Variants in GRIA4 observed in about 807,000 individuals in gnomAD.
GRIA4 encodes the protein glutamate ionotropic receptor AMPA type subunit 4.
In GRIA4, 34 loss-of-function variants were observed where a neutral mutation model predicts 104.0. The observed-to-expected ratio is 0.33, with a 90% CI of 0.25 to 0.44. GRIA4 has a LOEUF of 0.44. GRIA4 is among the 20% of genes least tolerant of loss of function. GRIA4 has a pLI of 1.00. For missense variants in GRIA4, 750 were observed against 1,096.5 expected, an observed-to-expected ratio of 0.68 and a Z score of 4.46; for synonymous variants, 386 against 381.9, an observed-to-expected ratio of 1.01 and a Z score of -0.13.
chr11:105,904,902 A>G (rs528658150), intron 8 of GRIA4, among the ~76,000 whole-genome samples: 5 of 152,208 alleles, frequency 3.3e-5, no homozygotes, highest in Non-Finnish European at 5.9e-5. Context: ...TGCCATTCCT[A>G]TAAAAATACT....
intron 4 of GRIA4, among the ~76,000 whole-genome samples, chr11:105,840,672 C>A (rs1460672942): frequency 6.6e-6 from 1 of 152,144 alleles, no homozygotes; most frequent in Non-Finnish European, 1.5e-5. Context: ...GCTTCAGAGG[C>A]TCTCAAACAA....
intron 4 of GRIA4, among the ~76,000 whole-genome samples, chr11:105,804,183 ATGATAT>A (rs1942845179): frequency 6.6e-6 from 1 of 151,972 alleles, no homozygotes; most frequent in Non-Finnish European, 1.5e-5. Context: ...ATAGATTTAC[ATGATAT>A]GACATTTCAT....
intron 14 of GRIA4, among the ~76,000 whole-genome samples, chr11:105,947,088 CA>C (rs924864533): frequency 7.8e-4 from 118 of 152,166 alleles, no homozygotes; most frequent in African/African-American, 2.8e-3. Context: ...AAGACTCATT[CA>C]AACTAAGTAA....
chr11:105,669,141 G>A lies in GRIA4; in HGVS notation c.247+56707G>A, dbSNP rs543734882. Among the ~76,000 whole-genome samples, 56 of 151,924 alleles carry A rather than the reference G, an allele frequency of 3.7e-4. 1 individual carries two copies. In the East Asian group the frequency reaches 4.1e-3, roughly 11 times the overall value. On this transcript the variant is annotated intron_variant, in intron 3 of 16. Transcript: ENST00000282499. Reference sequence around the variant, plus strand: ...AATCCTGCTTGTTTCTACCACGACTGTCTCAATTTCTCTCATAATCTGTCC... The same window carrying A: ...AATCCTGCTTGTTTCTACCACGACTATCTCAATTTCTCTCATAATCTGTCC...
At position 105,754,400 on chromosome 11, in the gene GRIA4, ATTGAGT is replaced by A. The variant is rs1940183454; in HGVS notation, c.487+1185_487+1190del. ...CATATTAAAATAATTGAGCCATAAC[ATTGAGT>A]TTGAAATACAAAACTCTAAGTGAGT... On this transcript the variant is annotated intron_variant, in intron 4 of 16. Coordinates refer to ENST00000282499, the MANE Select transcript of GRIA4 (RefSeq NM_000829.4). 3.3e-5 allele frequency among the ~76,000 whole-genome samples: 5 copies of A among 152,356 alleles called. No homozygotes were observed. The South Asian group carries it at 1.0e-3, about 32-fold the overall frequency.
rs554598853 is a variant in GRIA4 at position 105,726,282 on chromosome 11, C to G, written c.248-26699C>G. Among the ~76,000 whole-genome samples the G allele has an allele frequency of 1.1e-4, 16 of 152,174 alleles. No homozygotes were observed. The South Asian group carries it at 1.5e-3, about 14-fold the overall frequency. On this transcript the variant is annotated intron_variant, in intron 3 of 16. Coordinates refer to ENST00000282499, the MANE Select transcript of GRIA4 (RefSeq NM_000829.4). ...GTATAAACAAACCCTCTGGGAAGTACAAACTGAGTGGAGCCCACCGCAGCA... is the reference window on the plus strand; with the variant it reads ...GTATAAACAAACCCTCTGGGAAGTAGAAACTGAGTGGAGCCCACCGCAGCA...
At position 105,950,972 on chromosome 11, in the gene GRIA4, T is replaced by C. The variant is rs148861389; in HGVS notation, c.2294+17003T>C. On this transcript the variant is annotated intron_variant, in intron 14 of 16. Transcript: ENST00000282499. ...GAAGGCAGAAGACCTGTGCCCCAGC[T>C]GGACTTTGATGGACAAGTCACCTAA... Among the ~76,000 whole-genome samples, 454 of 152,282 alleles carry C rather than the reference T, an allele frequency of 3.0e-3. 1 individual carries two copies. Among genetic ancestry groups the C allele is most frequent in the Non-Finnish European group, 5.2e-3 (355 of 67,986 alleles).
Position 105,794,493 on chromosome 11 carries a change from A to G in GRIA4, c.487+41273A>G, listed in dbSNP as rs1418302943. Among the ~76,000 whole-genome samples, 7 of 118,400 alleles carry G rather than the reference A, an allele frequency of 5.9e-5. No homozygotes were observed. In the South Asian group the frequency reaches 8.0e-4, roughly 14 times the overall value. The allele number at this position is 118,400 out of a possible 152,430, so 77.7% of individuals were successfully genotyped here. A position where few individuals can be genotyped will look rare whatever the true frequency, so the allele number is the denominator to read the frequency against. Reference sequence around the variant, plus strand: ...TGTATGTATATATATATATATATATATATATATATATATATATATACATAT... The same window carrying G: ...TGTATGTATATATATATATATATATGTATATATATATATATATATACATAT... On this transcript the variant is annotated intron_variant, in intron 4 of 16. Transcript: ENST00000282499.
In GRIA4 at chr11:105,647,044, C is replaced by T. The variant is rs187823766; in HGVS notation, c.247+34610C>T. On this transcript the variant is annotated intron_variant, in intron 3 of 16. Transcript: ENST00000282499. The stretch of plus-strand genomic sequence containing the variant: ...CCTATAGAATGGGAGAAAATATTTG[C>T]AAACTGTCATCTGACAAAGATTTAA... 6.9e-3 allele frequency among the ~76,000 whole-genome samples: 1,051 copies of T among 152,180 alleles called. 11 individuals carry two copies. The highest frequency in any genetic ancestry group is 0.022 in the African/African-American group (934 of 41,514).
chr11:105,950,711 T>C (rs1159424244), intron 14 of GRIA4, among the ~76,000 whole-genome samples: 1 of 152,178 alleles, frequency 6.6e-6, no homozygotes, highest in Non-Finnish European at 1.5e-5. Flanking sequence ...CACCTGCCTT[T>C]CAAGTTTTTT....
chr11:105,680,093 C>T (rs1461935439), intron 3 of GRIA4, among the ~76,000 whole-genome samples: 1 of 152,150 alleles, frequency 6.6e-6, no homozygotes, highest in Non-Finnish European at 1.5e-5. Context: ...TACCTAGAAG[C>T]ATGAGGATTC....
chr11:105,647,625 G>A (rs926832794), intron 3 of GRIA4, among the ~76,000 whole-genome samples: 7 of 152,118 alleles, frequency 4.6e-5, no homozygotes, highest in Non-Finnish European at 1.0e-4. Flanking sequence ...AAGAAAGAAC[G>A]AGATCATGTC....
intron 3 of GRIA4, among the ~76,000 whole-genome samples, chr11:105,638,290 G>C (rs1298544713): frequency 2.0e-5 from 3 of 152,150 alleles, no homozygotes; most frequent in African/African-American, 7.2e-5. Context: ...GAGTGAAAGA[G>C]ATGGATCAGA....
At chr11:105,637,744 G>T (rs1951245558) in intron 3 of GRIA4, among the ~76,000 whole-genome samples, 1 of 152,054 alleles carries the variant, frequency 6.6e-6, no homozygotes, top group South Asian at 2.1e-4. Flanking sequence ...AACCTAAGCA[G>T]ATTTTTAATA....
intron 14 of GRIA4, among the ~76,000 whole-genome samples, chr11:105,966,668 T>C (rs1398617026): frequency 2.0e-5 from 3 of 151,742 alleles, no homozygotes; most frequent in Admixed American, 6.6e-5. Flanking sequence ...TTGTCTTCAC[T>C]TCATATCTTA....
At chr11:105,969,207 T>TC in intron 14 of GRIA4, among the ~76,000 whole-genome samples, 1 of 152,166 alleles carries the variant, frequency 6.6e-6, no homozygotes. Context: ...TAAGCCACTT[T>TC]CCTCTATCAC....
chr11:105,767,924 T>C (rs1486014110), intron 4 of GRIA4, among the ~76,000 whole-genome samples: 1 of 152,114 alleles, frequency 6.6e-6, no homozygotes, highest in Non-Finnish European at 1.5e-5. Context: ...CGCTTTAATC[T>C]GAATCAGAGT....
chr11:105,951,817 G>C (rs978175917), intron 14 of GRIA4, among the ~76,000 whole-genome samples: 2 of 151,920 alleles, frequency 1.3e-5, no homozygotes, highest in East Asian at 3.9e-4. Flanking sequence ...AATTAGCTGG[G>C]TATGGTGGTG....
intron 3 of GRIA4, among the ~76,000 whole-genome samples, chr11:105,711,025 C>A (rs916882900): frequency 2.0e-5 from 3 of 149,730 alleles, no homozygotes; most frequent in Non-Finnish European, 4.5e-5. Context: ...GTTTGAAGAT[C>A]GTAAATACCA....
Sources: allele counts gnomAD v4.1 joint callset (sites outside exome capture counted in the v4.1 genomes callset), GRCh38; gene constraint gnomAD v4.1.1; transcripts MANE v1.5; gene names NCBI Gene and HGNC (gene_info 2026-07-23, HGNC 2026-07-21).